Variants in GSDMD observed in about 807,000 individuals in gnomAD.
The protein encoded by GSDMD is gasdermin D.
Under a neutral mutation model 46.7 loss-of-function variants are expected in GSDMD, and 46 were observed. The ratio of observed to expected loss-of-function variants is 0.99; its 90% CI spans 0.78 to 1.26. GSDMD has a LOEUF of 1.26. Ranked by LOEUF, GSDMD falls within the 50% of genes most tolerant of loss-of-function variation. The pLI, the probability that GSDMD is intolerant of heterozygous loss-of-function variation, is 0.00. For synonymous variants in GSDMD, 307 were observed against 283.1 expected, an observed-to-expected ratio of 1.08 and a Z score of -0.85; for missense variants, 649 against 638.8, an observed-to-expected ratio of 1.02 and a Z score of -0.17.
At chr8:143,557,737 T>C (rs1198035569), upstream of GSDMD, 2 of 291,440 alleles carry the variant, frequency 6.9e-6, no homozygotes, top group Non-Finnish European at 1.4e-5. Context: ...AATACGACCA[T>C]CTTTGTCAGT....
upstream of GSDMD, chr8:143,558,183 G>A (rs1432738512): frequency 1.3e-6 from 1 of 781,284 alleles, no homozygotes; most frequent in Non-Finnish European, 1.9e-6. Flanking sequence ...AAAGTGCTAT[G>A]AAGTTTGAGG....
In GSDMD at chr8:143,561,970, G is replaced by A; in HGVS notation, c.835G>A (p.Ala279Thr). 1 of 1,608,638 alleles carries A rather than the reference G, an allele frequency of 6.2e-7. No individual in the cohort carries two copies. Among genetic ancestry groups the A allele is most frequent in the African/African-American group, 1.3e-5 (1 of 74,974 alleles). The change falls in exon 8 of 11, where the codon GCG (alanine) becomes ACG (threonine). Residue 279 changes from alanine to threonine, a missense_variant. Physicochemically the swap from Ala to Thr is moderately conservative, Grantham distance 58. Transcript: ENST00000262580. The part of the protein sequence containing the change: ...LHNFLTDGVP[A>T]EGAFTEDFQG... The stretch of plus-strand genomic sequence containing the variant: ...TTCTGTCCCTACAGATGGGGTCCCT[G>A]CGGAGGGGGCGTTCACTGAAGACTT...
chr8:143,557,758 T>C (rs967560603), upstream of GSDMD: 2 of 313,378 alleles, frequency 6.4e-6, no homozygotes, highest in Non-Finnish European at 1.3e-5. Flanking sequence ...GTGCAGTATC[T>C]CTCTGTGGAT....
chr8:143,561,422 A>G lies in GSDMD; in HGVS notation c.735A>G (p.Thr245=). The change falls in exon 6 of 11, where the codon ACA becomes ACG. Residue 245 remains threonine, a splice_region_variant and synonymous_variant. Transcript: ENST00000262580. ...AGAGGACCTTCCAGCCACCCGCGACAGGTGAGAGCCGAGAGCCCCCAGCAT... is the reference window on the plus strand; with the variant it reads ...AGAGGACCTTCCAGCCACCCGCGACGGGTGAGAGCCGAGAGCCCCCAGCAT... The part of the protein sequence containing the change: ...KKQRTFQPPA[T]GHKRSTSEGA... 2 of 1,611,274 alleles carry G rather than the reference A, an allele frequency of 1.2e-6. No individual in the cohort carries two copies. The highest frequency in any genetic ancestry group is 2.2e-5 in the East Asian group (1 of 44,870).
Position 143,562,852 on chromosome 8 carries a change from C to T in GSDMD, c.1403C>T (p.Ala468Val). ...CCGCAGGCCCAGGGCCGCATGTGTG[C>T]ACTCTACGCCTCCCTGGCACTGCTA... ...WEPQAQGRMC[A>V]LYASLALLSG... The change falls in exon 11 of 11, where the codon GCA becomes GTA. Residue 468 changes from alanine to valine, a missense_variant. Coordinates refer to ENST00000262580, the MANE Select transcript of GSDMD (RefSeq NM_024736.7). 1.2e-6 allele frequency: 2 copies of T among 1,612,368 alleles called. No homozygotes were observed. The highest frequency in any genetic ancestry group is 4.5e-5 in the East Asian group (2 of 44,868).
In GSDMD at chr8:143,562,176, AGCCAGACTCACCT is replaced by A. The variant is rs1391278642; in HGVS notation, c.997-29_997-17del. On this transcript the variant is annotated intron_variant, in intron 8 of 10. Transcript: ENST00000262580. ...CGGGGCACACAAGGCCTGCCCAGCC[AGCCAGACTCACCT>A]GCCCTTCCCGTGCCCACAGCTGGAG... 6.3e-7 allele frequency: 1 copy of A among 1,594,128 alleles called. No individual in the cohort carries two copies. The highest frequency in any genetic ancestry group is 8.5e-7 in the Non-Finnish European group (1 of 1,177,380).
chr8:143,561,288 G>A (rs1823454026), intron 5 of GSDMD, 82 bp from the exon 6 acceptor site: 2 of 1,378,072 alleles, frequency 1.5e-6, no homozygotes, highest in Admixed American at 4.0e-5. Context: ...AGCTGGACAG[G>A]GGAGCTCCTA....
Position 143,559,781 on chromosome 8 carries a change from G to T in GSDMD, c.222G>T (p.Val74=). 6.3e-7 allele frequency: 1 copy of T among 1,594,600 alleles called. No homozygotes were observed. Among genetic ancestry groups the T allele is most frequent in the Non-Finnish European group, 8.5e-7 (1 of 1,170,498 alleles). The change falls in exon 3 of 11, where the codon GTG becomes GTT. Residue 74 remains valine, a synonymous_variant. Transcript: ENST00000262580. ...ILEPDAAEPD[V]QRGRSFHFYD... ...TCAGGTCTGGCCTTGCTTTAGACGTGCAGCGTGGCAGGAGCTTCCACTTCT... is the reference window on the plus strand; with the variant it reads ...TCAGGTCTGGCCTTGCTTTAGACGTTCAGCGTGGCAGGAGCTTCCACTTCT...
In GSDMD at chr8:143,561,432, C is replaced by G; in HGVS notation, c.736+9C>G. 1 of 1,610,644 alleles carries G rather than the reference C, an allele frequency of 6.2e-7. No homozygotes were observed. On this transcript the variant is annotated intron_variant, in intron 6 of 10. Transcript: ENST00000262580. Reference sequence around the variant, plus strand: ...CCAGCCACCCGCGACAGGTGAGAGCCGAGAGCCCCCAGCATGGGGTGTCCG... The same window carrying G: ...CCAGCCACCCGCGACAGGTGAGAGCGGAGAGCCCCCAGCATGGGGTGTCCG...
rs138749323 is a variant in GSDMD at position 143,561,751 on chromosome 8, G to A, written c.746G>A (p.Arg249His). Residue 249 changes from arginine to histidine, a missense_variant, in exon 7 of 11, where the codon CGT (arginine) becomes CAT (histidine). Arg to His is a conservative substitution (Grantham distance 29). Transcript: ENST00000262580. ...TFQPPATGHK[R>H]STSEGAWPQL... ...CCATGCCCCTGCCCAGGCCACAAGC[G>A]TTCCACGAGCGAAGGCGCCTGGCCA... 1.0e-3 allele frequency: 1,639 copies of A among 1,607,440 alleles called. 8 individuals carry two copies. The African/African-American group carries it at 0.015, about 15-fold the overall frequency.
rs936249429 is a variant in GSDMD, at chr8:143,559,883, C to T, written c.324C>T (p.Ala108=). ...GACAGGCAAAGATCGCAGGCGGGGC[C>T]GCGGTGTCTGACAGCTCCAGCACCT... The part of the protein sequence containing the change: ...APGQAKIAGG[A]AVSDSSSTSM... The change falls in exon 3 of 11, where the codon GCC becomes GCT. Residue 108 remains alanine (A), a synonymous_variant. Coordinates refer to ENST00000262580, the MANE Select transcript of GSDMD (RefSeq NM_024736.7). 15 of 1,612,602 alleles carry T rather than the reference C, an allele frequency of 9.3e-6. No homozygotes were observed. The African/African-American group carries it at 1.3e-4, about 14-fold the overall frequency.
At chr8:143,561,207 G>T in intron 5 of GSDMD, 103 bp downstream of exon 5, 1 of 1,276,442 alleles carries the variant, frequency 7.8e-7, no homozygotes, top group Non-Finnish European at 1.1e-6. Flanking sequence ...GCCCCTGGCT[G>T]AACAACGTCC....
rs113592517 is a variant in GSDMD at position 143,559,545 on chromosome 8, G to T, written c.210G>T (p.Ala70=). The T allele has an allele frequency of 1.2e-6, 2 of 1,611,952 alleles. No individual in the cohort carries two copies. The highest frequency in any genetic ancestry group is 1.7e-6 in the Non-Finnish European group (2 of 1,179,500). The change falls in exon 2 of 11, where the codon GCG becomes GCT. Residue 70 remains alanine (A), a synonymous_variant. Transcript: ENST00000262580. ...SIKDILEPDA[A]EPDVQRGRSF... Reference sequence around the variant, plus strand: ...AGGACATCCTGGAGCCGGATGCCGCGGAACCAGGTGCCTGATGTGGTGCTG... The same window carrying T: ...AGGACATCCTGGAGCCGGATGCCGCTGAACCAGGTGCCTGATGTGGTGCTG...
chr8:143,558,326 GGCGGGCCCT>G, upstream of GSDMD: 1 of 1,522,884 alleles, frequency 6.6e-7, no homozygotes, highest in East Asian at 2.6e-5. Flanking sequence ...GGGCGTCCTG[GGCGGGCCCT>G]GCGTCAGGTT....
At chr8:143,560,929 C>CG (rs1823443698) in intron 4 of GSDMD, 73 bp from the exon 5 acceptor site, 1 of 1,501,016 alleles carries the variant, frequency 6.7e-7, no homozygotes. Flanking sequence ...GGCCTGCCCC[C>CG]GGCACCCGGC....
chr8:143,555,703 G>T (rs949097230), upstream of GSDMD, among the ~76,000 whole-genome samples: 1 of 152,312 alleles, frequency 6.6e-6, no homozygotes, highest in African/African-American at 2.4e-5. Flanking sequence ...CTTGCCTGCC[G>T]GGGTCACGGA....
intron 1 of GSDMD, 161 bp downstream of exon 1, chr8:143,558,612 G>A: frequency 1.4e-6 from 1 of 724,994 alleles, no homozygotes; most frequent in Non-Finnish European, 2.1e-6. Context: ...GGGAAAGGCT[G>A]CCCCTGGCCA....
chr8:143,557,970 C>T (rs1329672134), upstream of GSDMD: 1 of 426,642 alleles, frequency 2.3e-6, no homozygotes, highest in Non-Finnish European at 4.7e-6. Flanking sequence ...TCTCGGCTCA[C>T]TGCAACCTAC....
chr8:143,561,121 G>C lies in GSDMD; in HGVS notation c.682+17G>C. On this transcript the variant is annotated intron_variant, in intron 5 of 10. Transcript: ENST00000262580. ...CTGACTTGGGTGAGCTGGAGTTGGGGGTGTCTCGGGCCCAGGCCCTGGCAG... is the reference window on the plus strand; with the variant it reads ...CTGACTTGGGTGAGCTGGAGTTGGGCGTGTCTCGGGCCCAGGCCCTGGCAG... The C allele has an allele frequency of 6.2e-7, 1 of 1,606,082 alleles. No individual in the cohort carries two copies. The highest frequency in any genetic ancestry group is 8.5e-7 in the Non-Finnish European group (1 of 1,174,026).
Sources: allele counts gnomAD v4.1 joint callset (sites outside exome capture counted in the v4.1 genomes callset), GRCh38; gene constraint gnomAD v4.1.1; transcripts MANE v1.5; gene names NCBI Gene and HGNC (gene_info 2026-07-23, HGNC 2026-07-21).